PCDHGA1: variants seen among roughly 807,000 people sequenced by gnomAD.
PCDHGA1 encodes the protein protocadherin gamma-A1.
PCDHGA1 carries 32 observed loss-of-function variants against 58.0 expected under a neutral mutation model. That is an observed-to-expected ratio of 0.55 (90% CI 0.42 to 0.74). The LOEUF is 0.74. Ranked by LOEUF, PCDHGA1 falls within the 30% of genes least tolerant of loss-of-function variation. The pLI is 0.00. For synonymous variants in PCDHGA1, 498 were observed against 501.1 expected, an observed-to-expected ratio of 0.99 and a Z score of 0.08; for missense variants, 1,205 against 1,182.3, an observed-to-expected ratio of 1.02 and a Z score of -0.28.
intron 1 of PCDHGA1, chr5:141,413,154 A>G: frequency 6.3e-7 from 1 of 1,576,026 alleles, no homozygotes; most frequent in Middle Eastern, 1.7e-4. Context: ...AGGACTTTGC[A>G]GAATTCTGTA....
intron 1 of PCDHGA1, chr5:141,398,763 G>C (rs767181565): frequency 3.7e-6 from 6 of 1,613,788 alleles, no homozygotes; most frequent in Non-Finnish European, 5.1e-6. Flanking sequence ...GTTTAGTCCT[G>C]ACTGCCTTGG....
intron 1 of PCDHGA1, among the ~76,000 whole-genome samples, chr5:141,465,137 GGGGA>G (rs2099097662): frequency 2.0e-5 from 3 of 151,520 alleles, no homozygotes; most frequent in Non-Finnish European, 4.4e-5. Context: ...AAAAAGTTTA[GGGGA>G]TATATGAAGG....
chr5:141,496,888 T>TA (rs35063790), intron 2 of PCDHGA1, among the ~76,000 whole-genome samples: 34,968 of 133,936 alleles, frequency 0.26, 4,377 homozygotes, highest in Admixed American at 0.34. Flanking sequence ...AAGTAACACT[T>TA]AAAAAAAAAA....
chr5:141,486,153 C>A lies in PCDHGA1; in HGVS notation c.2422-8654C>A, dbSNP rs1330257915. On this transcript the variant is annotated intron_variant, in intron 1 of 3. Coordinates refer to ENST00000517417, the MANE Select transcript of PCDHGA1 (RefSeq NM_018912.3). This position sits in a 1 kb window ranked among gnomAD's most constrained non-coding sequence, Gnocchi z 5.0. ...GATGTGCGGGCTCGCGATGGGGGTTCTCCAGCCATGGAGCAACATTGCAGC... is the reference window on the plus strand; with the variant it reads ...GATGTGCGGGCTCGCGATGGGGGTTATCCAGCCATGGAGCAACATTGCAGC... 6.2e-7 allele frequency: 1 copy of A among 1,614,202 alleles called. No individual in the cohort carries two copies. The highest frequency in any genetic ancestry group is 1.7e-5 in the Admixed American group (1 of 60,022).
chr5:141,449,484 A>G (rs1003440539), intron 1 of PCDHGA1, among the ~76,000 whole-genome samples: 2 of 150,848 alleles, frequency 1.3e-5, no homozygotes, highest in Non-Finnish European at 3.0e-5. Context: ...CCCCATGCCT[A>G]AGGGTGAGGC....
intron 1 of PCDHGA1, among the ~76,000 whole-genome samples, chr5:141,424,973 G>A (rs2096851520): frequency 6.6e-6 from 1 of 152,108 alleles, no homozygotes; most frequent in African/African-American, 2.4e-5. Flanking sequence ...AAATTACTTG[G>A]ATATTTATGT....
In PCDHGA1 at chr5:141,511,774, T is replaced by C. The variant is rs1173144009; in HGVS notation, c.*601T>C. 6.2e-6 allele frequency: 1 copy of C among 160,350 alleles called. No homozygotes were observed. The highest frequency in any genetic ancestry group is 1.4e-5 in the Non-Finnish European group (1 of 72,132). The allele number at this position is 160,350 out of a possible 1,614,324, so 9.9% of individuals were successfully genotyped here. A position where few individuals can be genotyped will look rare whatever the true frequency, so the allele number is the denominator to read the frequency against. On this transcript the variant is annotated 3_prime_UTR_variant, in exon 4 of 4. Coordinates refer to ENST00000517417, the MANE Select transcript of PCDHGA1 (RefSeq NM_018912.3). ...ATGATCACCATCCCCATGGTACTGA[T>C]GCTTGCTGGATTTAGGGAGGGCATT...
chr5:141,390,418 A>T (rs2092141411), intron 1 of PCDHGA1: 1 of 1,099,772 alleles, frequency 9.1e-7, no homozygotes, highest in Admixed American at 2.6e-5. Context: ...TAGTCAGTTA[A>T]AAAGCTGTCA....
chr5:141,344,013 A>C (rs750917291), intron 1 of PCDHGA1: 5 of 1,514,700 alleles, frequency 3.3e-6, no homozygotes, highest in East Asian at 2.3e-5. Context: ...AATTCAGAGA[A>C]AGCGATTCAC....
intron 1 of PCDHGA1, among the ~76,000 whole-genome samples, chr5:141,433,766 G>A (rs2097649774): frequency 6.6e-6 from 1 of 151,888 alleles, no homozygotes; most frequent in South Asian, 2.1e-4. Flanking sequence ...TAACCTGGGA[G>A]GTGGAGGTTG....
chr5:141,400,465 T>G (rs769092002), intron 1 of PCDHGA1: 2 of 1,614,060 alleles, frequency 1.2e-6, no homozygotes, highest in Admixed American at 1.7e-5. Context: ...TTGTGGTGAT[T>G]CATCTGGGGC....
chr5:141,378,980 G>T (rs1336652080), intron 1 of PCDHGA1: 1 of 152,182 alleles, frequency 6.6e-6, no homozygotes, highest in Non-Finnish European at 1.5e-5. Context: ...ATGACTTGTT[G>T]AACTACATTA....
At chr5:141,404,488 T>A in intron 1 of PCDHGA1, 1 of 1,613,536 alleles carries the variant, frequency 6.2e-7, no homozygotes, top group Non-Finnish European at 8.5e-7. Context: ...CAGACACTGG[T>A]GTGCTGTATG....
chr5:141,393,013 T>A (rs754075095), intron 1 of PCDHGA1: 1 of 1,613,694 alleles, frequency 6.2e-7, no homozygotes, highest in African/African-American at 1.3e-5. Context: ...GTCCGTATCG[T>A]CTCCAGAGGT....
rs180741728 is a variant in PCDHGA1 at position 141,505,088 on chromosome 5, G to A, written c.2481-305G>A. Among the ~76,000 whole-genome samples the A allele has an allele frequency of 3.7e-3, 563 of 152,300 alleles. 5 individuals carry two copies. Among genetic ancestry groups the A allele is most frequent in the Admixed American group, 0.011 (163 of 15,294 alleles). On this transcript the variant is annotated intron_variant, in intron 2 of 3. Coordinates refer to ENST00000517417, the MANE Select transcript of PCDHGA1 (RefSeq NM_018912.3). ...GAGGCAGGAGAATCGCTTGAACCCA[G>A]GAGGTGGATGTTGCAATGAGCCAAG...
chr5:141,375,685 C>T (rs1771752072), intron 1 of PCDHGA1: 1 of 1,614,262 alleles, frequency 6.2e-7, no homozygotes, highest in Non-Finnish European at 8.5e-7. Flanking sequence ...GGGTGACAGC[C>T]AGCGACAGCG....
At chr5:141,389,254 T>C (rs1589085552) in intron 1 of PCDHGA1, 1 of 1,614,012 alleles carries the variant, frequency 6.2e-7, no homozygotes. Flanking sequence ...TCCTATATAG[T>C]CCACGTGGCC....
chr5:141,340,072 G>A, intron 1 of PCDHGA1: 1 of 1,614,056 alleles, frequency 6.2e-7, no homozygotes, highest in Non-Finnish European at 8.5e-7. Context: ...CCATAATTGG[G>A]CTTTTTAATG....
At chr5:141,458,987 C>A (rs2098958554) in intron 1 of PCDHGA1, among the ~76,000 whole-genome samples, 1 of 152,168 alleles carries the variant, frequency 6.6e-6, no homozygotes, top group Non-Finnish European at 1.5e-5. Context: ...CCTGCCTCAC[C>A]CTCCCAAAGT....
Sources: allele counts gnomAD v4.1 joint callset (sites outside exome capture counted in the v4.1 genomes callset), GRCh38; gene constraint gnomAD v4.1.1; non-coding constraint Gnocchi (gnomAD v3.1); transcripts MANE v1.5; gene names NCBI Gene and HGNC (gene_info 2026-07-23, HGNC 2026-07-21).